Variants in GDA observed in about 807,000 individuals in gnomAD.
The protein encoded by GDA is cytoplasmic PSD-95 interactor.
In GDA, 18 loss-of-function variants were observed where a neutral mutation model predicts 59.6. The ratio of observed to expected loss-of-function variants is 0.30; its 90% CI spans 0.21 to 0.45. GDA has a LOEUF of 0.45. Ranked by LOEUF, GDA falls within the 20% of genes least tolerant of loss-of-function variation. GDA has a pLI of 1.00. For missense variants in GDA, 427 were observed against 552.3 expected (o/e 0.77, Z 2.27); for synonymous variants, 201 against 201.1 (o/e 1.00, Z 0.00).
intron 10 of GDA, among the ~76,000 whole-genome samples, chr9:72,232,557 A>G (rs72727246): frequency 0.082 from 12,448 of 152,276 alleles, 707 homozygotes; most frequent in Middle Eastern, 0.15. Context: ...TAAGAAAAAA[A>G]TGGCCAAGAG....
In GDA at chr9:72,250,502, A is replaced by T; in HGVS notation, c.*2160A>T. 1 of 1,372,016 alleles carries T rather than the reference A, an allele frequency of 7.3e-7. No homozygotes were observed. The highest frequency in any genetic ancestry group is 9.4e-7 in the Non-Finnish European group (1 of 1,062,550). 85.0% of individuals were successfully genotyped at this position (1,372,016 alleles called of 1,614,324 possible). On this transcript the variant is annotated 3_prime_UTR_variant, in exon 14 of 14. Transcript: ENST00000358399. ...AAAAATAGGATGTGTTGAAATATTT[A>T]TATGTACTTTGATCTCTCCACATCA...
At chr9:72,161,018 A>T (rs1040355873) in intron 1 of GDA, among the ~76,000 whole-genome samples, 1 of 148,912 alleles carries the variant, frequency 6.7e-6, no homozygotes, top group Admixed American at 6.7e-5. Context: ...GCAATTCTCC[A>T]CCCGCCACCT....
chr9:72,160,770 A>AC (rs1159271967), intron 1 of GDA, among the ~76,000 whole-genome samples: 2 of 152,180 alleles, frequency 1.3e-5, no homozygotes, highest in Non-Finnish European at 2.9e-5. Flanking sequence ...CGTGTGATAA[A>AC]CCCAGGCCTG....
intron 1 of GDA, among the ~76,000 whole-genome samples, chr9:72,181,939 T>G (rs1470448838): frequency 6.6e-6 from 1 of 152,212 alleles, no homozygotes; most frequent in Admixed American, 6.5e-5. Context: ...GCTATAGACT[T>G]CACCCGGATT....
chr9:72,148,850 TAA>T (rs1482653996), upstream of GDA, among the ~76,000 whole-genome samples: 1 of 152,114 alleles, frequency 6.6e-6, no homozygotes, highest in Non-Finnish European at 1.5e-5. Context: ...TGGAAGTAAA[TAA>T]AAGAGATTCA....
At chr9:72,128,151 A>G (rs1033255913) in intron 1 of GDA, among the ~76,000 whole-genome samples, 4 of 152,230 alleles carry the variant, frequency 2.6e-5, no homozygotes, top group Non-Finnish European at 4.4e-5. Context: ...TGAGATTAAT[A>G]CAAGTGGCAA....
intron 1 of GDA, among the ~76,000 whole-genome samples, chr9:72,119,550 T>A (rs1469457178): frequency 6.6e-6 from 1 of 152,164 alleles, no homozygotes; most frequent in Non-Finnish European, 1.5e-5. Context: ...TATGTGTAAA[T>A]GTTTGGAAAA....
At chr9:72,126,457 C>T (rs1395316146) in intron 1 of GDA, among the ~76,000 whole-genome samples, 2 of 151,978 alleles carry the variant, frequency 1.3e-5, no homozygotes, top group Non-Finnish European at 2.9e-5. Context: ...CACGTGGCAT[C>T]TCAGCTTTAA....
intron 1 of GDA, among the ~76,000 whole-genome samples, chr9:72,173,611 G>A (rs73484251): frequency 0.015 from 2,228 of 151,910 alleles, 56 homozygotes; most frequent in African/African-American, 0.052. Context: ...GATTACAGAC[G>A]TGAGCCACCA....
chr9:72,203,861 A>G (rs1834330396), intron 3 of GDA, among the ~76,000 whole-genome samples: 1 of 151,844 alleles, frequency 6.6e-6, no homozygotes, highest in Non-Finnish European at 1.5e-5. Context: ...TTGTCACCCA[A>G]GCTGGAGTGC....
chr9:72,151,364 G>A (rs1449323486), intron 1 of GDA, among the ~76,000 whole-genome samples: 1 of 152,094 alleles, frequency 6.6e-6, no homozygotes, highest in Non-Finnish European at 1.5e-5. Flanking sequence ...GCTAACTGTT[G>A]CTCTCCTCTC....
downstream of GDA, among the ~76,000 whole-genome samples, chr9:72,253,973 A>G (rs1840830543): frequency 6.6e-6 from 1 of 152,116 alleles, no homozygotes; most frequent in African/African-American, 2.4e-5. Flanking sequence ...AAAAAAAGAT[A>G]AATACCTCCC....
intron 3 of GDA, 36 bp from the exon 4 acceptor site, chr9:72,210,651 C>A: frequency 1.7e-6 from 2 of 1,150,784 alleles, no homozygotes; most frequent in South Asian, 1.2e-5. Context: ...CTTTTCTGAG[C>A]ACACGTGATT....
chr9:72,160,892 T>C (rs1587407333), intron 1 of GDA, among the ~76,000 whole-genome samples: 1 of 152,258 alleles, frequency 6.6e-6, no homozygotes, highest in Non-Finnish European at 1.5e-5. Flanking sequence ...CAAGACTAAA[T>C]TTAGGTGTTA....
intron 1 of GDA, among the ~76,000 whole-genome samples, chr9:72,163,059 A>T (rs1828852675): frequency 6.6e-6 from 1 of 152,190 alleles, no homozygotes. Context: ...TTAGAAAATG[A>T]CTGCAGTGGA....
In GDA at chr9:72,149,575, A is replaced by T. The variant is rs1043692605; in HGVS notation, c.16A>T (p.Met6Leu). 3.7e-6 allele frequency: 6 copies of T among 1,611,432 alleles called. No individual in the cohort carries two copies. The highest frequency in any genetic ancestry group is 8.5e-7 in the Non-Finnish European group (1 of 1,179,232). Reference protein sequence around the residue: MCAAQMPPLAHIFRGT... With the variant: MCAAQLPPLAHIFRGT... ...CGCCGCTGACATGTGTGCCGCTCAG[A>T]TGCCGCCCCTGGCGCACATCTTCCG... Residue 6 changes from methionine to leucine, a missense_variant, in exon 1 of 14, where the codon ATG (methionine) becomes TTG (leucine). Coordinates refer to ENST00000358399, the MANE Select transcript of GDA (RefSeq NM_004293.5).
At chr9:72,158,408 A>G (rs368777920) in intron 1 of GDA, among the ~76,000 whole-genome samples, 42 of 152,154 alleles carry the variant, frequency 2.8e-4, no homozygotes, top group African/African-American at 9.6e-4. Context: ...CCTGGCTAAC[A>G]TGGTGAAACT....
intron 1 of GDA, among the ~76,000 whole-genome samples, chr9:72,180,427 T>G (rs1831046341): frequency 6.6e-6 from 1 of 152,030 alleles, no homozygotes; most frequent in African/African-American, 2.4e-5. Context: ...TGTGCCTGCA[T>G]TTTTAAATCA....
intron 6 of GDA, among the ~76,000 whole-genome samples, chr9:72,222,184 TA>T (rs1295221705): frequency 3.3e-5 from 5 of 152,206 alleles, no homozygotes; most frequent in Non-Finnish European, 7.4e-5. Context: ...CAACAGTCTA[TA>T]AGCATTTCTT....
Sources: gnomAD v4.1 joint callset for allele counts (sites outside exome capture counted in the v4.1 genomes callset) on GRCh38, gnomAD v4.1.1 for gene constraint, MANE v1.5 for transcripts, NCBI Gene and HGNC (gene_info 2026-07-23, HGNC 2026-07-21) for gene names.